Variants in KLHDC2 observed in about 807,000 individuals in gnomAD.
KLHDC2 encodes kelch domain-containing protein 2.
KLHDC2 carries 38 observed loss-of-function variants against 62.3 expected under a neutral mutation model. That is an observed-to-expected ratio of 0.61 (90% CI 0.47 to 0.80). The LOEUF is 0.80. KLHDC2 is among the 30% of genes least tolerant of loss of function. KLHDC2 has a pLI of 0.00. For missense variants in KLHDC2, 430 were observed against 495.3 expected, an observed-to-expected ratio of 0.87 and a Z score of 1.25; for synonymous variants, 159 against 161.0, an observed-to-expected ratio of 0.99 and a Z score of 0.09.
rs559576779 is a variant in KLHDC2 at position 49,785,690 on chromosome 14, C to T, written c.*2737C>T. On this transcript the variant is annotated 3_prime_UTR_variant, in exon 13 of 13. Coordinates refer to ENST00000298307, the MANE Select transcript of KLHDC2 (RefSeq NM_014315.3). The stretch of plus-strand genomic sequence containing the variant: ...ATCGCTTGAGCCCAGGAGTTCAAGA[C>T]CAGCCTAAGCAACATGGAGAAACAC... 2.7e-3 allele frequency: 559 copies of T among 206,346 alleles called. No homozygotes were observed. The highest frequency in any genetic ancestry group is 4.0e-3 in the Non-Finnish European group (401 of 100,322). The allele number at this position is 206,346 out of a possible 1,614,324, so 12.8% of individuals were successfully genotyped here.
rs375541908 is a variant in KLHDC2, at chr14:49,771,590, T to A, written c.154-4T>A. ...TTTATATTTACAATTTTTTTTATTCTTAGAGTAATCAAGTCAGAGGATTAT... is the reference window on the plus strand; with the variant it reads ...TTTATATTTACAATTTTTTTTATTCATAGAGTAATCAAGTCAGAGGATTAT... On this transcript the variant is annotated splice_region_variant and splice_polypyrimidine_tract_variant and intron_variant, in intron 1 of 12. Transcript: ENST00000298307. 64 of 1,334,014 alleles carry A rather than the reference T, an allele frequency of 4.8e-5. No homozygotes were observed. The African/African-American group carries it at 8.2e-4, about 17-fold the overall frequency. 82.6% of individuals were successfully genotyped at this position (1,334,014 alleles called of 1,614,324 possible). A position where few individuals can be genotyped will look rare whatever the true frequency, so the allele number is the denominator to read the frequency against.
intron 6 of KLHDC2, 57 bp from the exon 7 acceptor site, chr14:49,779,538 A>G: frequency 7.7e-7 from 1 of 1,298,098 alleles, no homozygotes; most frequent in South Asian, 1.2e-5. Context: ...CAGAGTAGAC[A>G]TAGGTATTTT....
rs996743306 is a variant in KLHDC2, at chr14:49,782,967, A to G, written c.*14A>G. ...TCTGGATCTTAAGGCTTCATAAATA[A>G]TGCCTATGATCACCTTGCATGGACA... On this transcript the variant is annotated 3_prime_UTR_variant, in exon 13 of 13. Transcript: ENST00000298307. 1.2e-6 allele frequency: 2 copies of G among 1,609,562 alleles called. No individual in the cohort carries two copies. The highest frequency in any genetic ancestry group is 1.7e-6 in the Non-Finnish European group (2 of 1,178,110).
At chr14:49,772,304 GTTAGATT>G (rs372553353) in intron 2 of KLHDC2, among the ~76,000 whole-genome samples, 197 of 152,260 alleles carry the variant, frequency 1.3e-3, no homozygotes, top group African/African-American at 4.5e-3. Context: ...TGGTTAAATT[GTTAGATT>G]TTAGATTGTA....
chr14:49,773,682 T>C (rs901432803), intron 2 of KLHDC2, among the ~76,000 whole-genome samples: 5 of 151,260 alleles, frequency 3.3e-5, no homozygotes, highest in Non-Finnish European at 7.4e-5. Flanking sequence ...CTTCACACCA[T>C]TCTGTTGCCT....
intron 2 of KLHDC2, among the ~76,000 whole-genome samples, chr14:49,773,371 G>C (rs1473294515): frequency 1.5e-5 from 2 of 131,044 alleles, no homozygotes; most frequent in African/African-American, 5.8e-5. Context: ...CAGAGATCGC[G>C]CCACTGCACT....
In KLHDC2 at chr14:49,783,336, G is replaced by A. The variant is rs117896368; in HGVS notation, c.*383G>A. 1,497 of 152,126 alleles carry A rather than the reference G, an allele frequency of 9.8e-3. 11 individuals carry two copies. Among genetic ancestry groups the A allele is most frequent in the Non-Finnish European group, 0.014 (987 of 69,182 alleles). 9.4% of individuals were successfully genotyped at this position (152,126 alleles called of 1,614,324 possible). A position where few individuals can be genotyped will look rare whatever the true frequency, so the allele number is the denominator to read the frequency against. ...AATGGCAAGAGTAGTCTATAGTTAT[G>A]TAACCTAGTGTTGTAAATACAATAT... On this transcript the variant is annotated 3_prime_UTR_variant, in exon 13 of 13. Coordinates refer to ENST00000298307, the MANE Select transcript of KLHDC2 (RefSeq NM_014315.3).
At chr14:49,778,868 T>C (rs892712964) in intron 6 of KLHDC2, among the ~76,000 whole-genome samples, 3 of 152,042 alleles carry the variant, frequency 2.0e-5, no homozygotes, top group African/African-American at 7.2e-5. Flanking sequence ...GGATTACAGA[T>C]GCCCGCAACC....
chr14:49,786,236 A>G lies in KLHDC2; in HGVS notation c.*3283A>G. On this transcript the variant is annotated 3_prime_UTR_variant, in exon 13 of 13. Transcript: ENST00000298307. ...AAGAATTAACCAACCCCTAATGTTA[A>G]TAGTGCCAAAGTTGAGAAACCCTGG... The G allele has an allele frequency of 6.3e-6, 1 of 159,874 alleles. No individual in the cohort carries two copies. Among genetic ancestry groups the G allele is most frequent in the Non-Finnish European group, 1.4e-5 (1 of 72,594 alleles). 9.9% of individuals were successfully genotyped at this position (159,874 alleles called of 1,614,324 possible). A position where few individuals can be genotyped will look rare whatever the true frequency, so the allele number is the denominator to read the frequency against.
intron 2 of KLHDC2, among the ~76,000 whole-genome samples, chr14:49,773,394 A>T (rs1352480784): frequency 1.5e-5 from 2 of 136,100 alleles, no homozygotes; most frequent in Non-Finnish European, 3.2e-5. Context: ...AGCCTGGGCG[A>T]AAGAGTCAGA....
rs1890033612 is a variant in KLHDC2 at position 49,783,877 on chromosome 14, G to A, written c.*924G>A. The A allele has an allele frequency of 6.6e-6, 1 of 152,020 alleles. No individual in the cohort carries two copies. The highest frequency in any genetic ancestry group is 1.5e-5 in the Non-Finnish European group (1 of 67,986). The allele number at this position is 152,020 out of a possible 1,614,324, so 9.4% of individuals were successfully genotyped here. A position where few individuals can be genotyped will look rare whatever the true frequency, so the allele number is the denominator to read the frequency against. On this transcript the variant is annotated 3_prime_UTR_variant, in exon 13 of 13. Transcript: ENST00000298307. ...ATATTTTTTTCTGACAAGTATCAAT[G>A]AAAGCAGAAGAAAATCCACTCCAAT...
chr14:49,778,561 G>GGGGGGGGGGGGGGGGA, intron 6 of KLHDC2, 67 bp downstream of exon 6: 2 of 297,526 alleles, frequency 6.7e-6, no homozygotes, highest in South Asian at 2.8e-5. Context: ...TGGGGTAGGG[G>GGGGGGGGGGGGGGGGA]AGAGGGGTGC....
chr14:49,783,126 G>GTATT lies in KLHDC2; in HGVS notation c.*176_*179dup, dbSNP rs1889990714. On this transcript the variant is annotated 3_prime_UTR_variant, in exon 13 of 13. Transcript: ENST00000298307. ...TTTGTGTCTAAAGTTTACAATAAAT[G>GTATT]TATTTAACACCAGTAGCTGTCCTCT... 1 of 509,462 alleles carries GTATT rather than the reference G, an allele frequency of 2.0e-6. No homozygotes were observed. Among genetic ancestry groups the GTATT allele is most frequent in the Non-Finnish European group, 3.3e-6 (1 of 301,290 alleles). The allele number at this position is 509,462 out of a possible 1,614,324, so 31.6% of individuals were successfully genotyped here. A position where few individuals can be genotyped will look rare whatever the true frequency, so the allele number is the denominator to read the frequency against.
At chr14:49,774,840 A>G (rs766748189) in intron 3 of KLHDC2, 162 bp downstream of exon 3, 10 of 670,718 alleles carry the variant, frequency 1.5e-5, no homozygotes, top group South Asian at 3.5e-5. Context: ...TTGTGTGCCA[A>G]TCTGTATTTA....
intron 1 of KLHDC2, among the ~76,000 whole-genome samples, chr14:49,769,466 C>T (rs1417834884): frequency 6.6e-6 from 1 of 152,142 alleles, no homozygotes; most frequent in Non-Finnish European, 1.5e-5. Context: ...GGATGACTTG[C>T]TTTGTGATTG....
At position 49,771,595 on chromosome 14, in the gene KLHDC2, G is replaced by A. The variant is rs1304348472; in HGVS notation, c.155G>A (p.Ser52Asn). 2.2e-6 allele frequency: 3 copies of A among 1,369,314 alleles called. No individual in the cohort carries two copies. Among genetic ancestry groups the A allele is most frequent in the East Asian group, 4.6e-5 (2 of 43,684 alleles). The allele number at this position is 1,369,314 out of a possible 1,614,324, so 84.8% of individuals were successfully genotyped here. Residue 52 changes from serine (S) to asparagine (N), a missense_variant and splice_region_variant, in exon 2 of 13, where the codon AGT becomes AAT. By Grantham distance (46) the Ser-to-Asn change is conservative (BLOSUM62 1). Transcript: ENST00000298307. ...ATTTACAATTTTTTTTATTCTTAGA[G>A]TAATCAAGTCAGAGGATTATATGAC... ...RHMFVWGGYKSNQVRGLYDFY... is the reference protein window; with the variant it reads ...RHMFVWGGYKNNQVRGLYDFY...
intron 10 of KLHDC2, among the ~76,000 whole-genome samples, chr14:49,781,234 G>C (rs550386940): frequency 6.6e-6 from 1 of 152,180 alleles, no homozygotes; most frequent in East Asian, 1.9e-4. Flanking sequence ...GGGCGTGGTG[G>C]CGTATGCCTG....
chr14:49,780,078 T>A, intron 8 of KLHDC2, 135 bp from the exon 9 acceptor site: 1 of 648,800 alleles, frequency 1.5e-6, no homozygotes, highest in Non-Finnish European at 2.7e-6. Context: ...ATAAAGCATG[T>A]AGTTTATACC....
In KLHDC2 at chr14:49,784,104, C is replaced by T. The variant is rs1480194030; in HGVS notation, c.*1151C>T. 6.6e-6 allele frequency: 1 copy of T among 150,686 alleles called. No homozygotes were observed. Among genetic ancestry groups the T allele is most frequent in the African/African-American group, 2.4e-5 (1 of 40,898 alleles). 9.3% of individuals were successfully genotyped at this position (150,686 alleles called of 1,614,324 possible). ...ATTTCAAGAAAATGTAGAATAACTA[C>T]AGATGTATATAATTAGCATTTAACT... On this transcript the variant is annotated 3_prime_UTR_variant, in exon 13 of 13. Coordinates refer to ENST00000298307, the MANE Select transcript of KLHDC2 (RefSeq NM_014315.3).
Sources: allele counts gnomAD v4.1 joint callset (sites outside exome capture counted in the v4.1 genomes callset), GRCh38; gene constraint gnomAD v4.1.1; transcripts MANE v1.5; gene names NCBI Gene and HGNC (gene_info 2026-07-23, HGNC 2026-07-21).